Variants in ATF6 observed in about 807,000 individuals in gnomAD.
The protein encoded by ATF6 is cyclic AMP-dependent transcription factor ATF-6 alpha.
ATF6 carries 53 observed loss-of-function variants against 83.6 expected under a neutral mutation model. The ratio of observed to expected loss-of-function variants is 0.63; its 90% CI spans 0.51 to 0.80. The LOEUF (loss-of-function observed/expected upper bound fraction) is 0.80, where lower values mean the gene tolerates loss of function less well. Ranked by LOEUF, ATF6 falls within the 30% of genes least tolerant of loss-of-function variation. The probability of loss-of-function intolerance (pLI) is 0.00; values close to 1 mark genes in which losing one functional copy is unlikely to be tolerated. For missense variants in ATF6, 744 were observed against 797.9 expected (o/e 0.93, Z 0.81); for synonymous variants, 288 against 285.8 (o/e 1.01, Z -0.08).
At chr1:161,884,994 G>A (rs556657287) in intron 14 of ATF6, among the ~76,000 whole-genome samples, 1 of 152,168 alleles carries the variant, frequency 6.6e-6, no homozygotes, top group South Asian at 2.1e-4. Context: ...ATAAATGGAG[G>A]TGTCTATAGA....
In ATF6 at chr1:161,791,084, C is replaced by G. The variant is rs201954233; in HGVS notation, c.355-324C>G. 5.1e-3 allele frequency among the ~76,000 whole-genome samples: 347 copies of G among 67,668 alleles called. 3 individuals carry two copies. In the African/African-American group the frequency reaches 0.063, roughly 12 times the overall value. 44.4% of individuals were successfully genotyped at this position (67,668 alleles called of 152,430 possible). A position where few individuals can be genotyped will look rare whatever the true frequency, so the allele number is the denominator to read the frequency against. ...TATATGTGTGTGTGTGTGTGTGTGT[C>G]TCTGTGTGTGTGTGTGTGTCTCTGT... On this transcript the variant is annotated intron_variant, in intron 4 of 15. Transcript: ENST00000367942.
chr1:161,888,249 A>C (rs933138655), intron 14 of ATF6, among the ~76,000 whole-genome samples: 3 of 152,198 alleles, frequency 2.0e-5, no homozygotes, highest in Admixed American at 6.5e-5. Context: ...GAGCAACTAG[A>C]AGTATTTACT....
intron 13 of ATF6, among the ~76,000 whole-genome samples, chr1:161,862,851 A>C (rs1199167041): frequency 6.6e-6 from 1 of 152,138 alleles, no homozygotes; most frequent in Non-Finnish European, 1.5e-5. Flanking sequence ...CCTCAGATTT[A>C]ATTTGTATTA....
chr1:161,915,049 C>A (rs1198651573), intron 15 of ATF6, among the ~76,000 whole-genome samples: 1 of 152,148 alleles, frequency 6.6e-6, no homozygotes. Context: ...GAATTTCTCA[C>A]CTTCTCTTGT....
chr1:161,871,875 A>G (rs1409498621), intron 14 of ATF6, among the ~76,000 whole-genome samples: 1 of 151,444 alleles, frequency 6.6e-6, no homozygotes, highest in East Asian at 1.9e-4. Flanking sequence ...CTTTCCTCTT[A>G]GAAAGCTGTA....
At position 161,781,315 on chromosome 1, in the gene ATF6, G is replaced by GT. The variant is rs1213661699; in HGVS notation, c.160-589dup. Among the ~76,000 whole-genome samples, 16 of 151,608 alleles carry GT rather than the reference G, an allele frequency of 1.1e-4. No individual in the cohort carries two copies. The South Asian group carries it at 2.5e-3, about 24-fold the overall frequency. ...TTATTTTATAGGATTAAAAAGTGGT[G>GT]TTTTTTTTGATTCATAAAAGTTTTA... On this transcript the variant is annotated intron_variant, in intron 2 of 15. Transcript: ENST00000367942.
At chr1:161,791,684 T>A in intron 5 of ATF6, 147 bp downstream of exon 5, 1 of 859,868 alleles carries the variant, frequency 1.2e-6, no homozygotes, top group Non-Finnish European at 1.7e-6. Context: ...TTGTTGTGAG[T>A]GATTACCGTG....
chr1:161,836,494 C>T (rs7513303), intron 9 of ATF6, among the ~76,000 whole-genome samples: 21,569 of 152,200 alleles, frequency 0.14, 2,092 homozygotes, highest in East Asian at 0.31. Flanking sequence ...CCAGGTGTTA[C>T]TGAATCTGGA....
At chr1:161,828,382 G>A (rs554803957) in intron 9 of ATF6, among the ~76,000 whole-genome samples, 1 of 152,176 alleles carries the variant, frequency 6.6e-6, no homozygotes, top group African/African-American at 2.4e-5. Context: ...TAAAAGATAA[G>A]ATGAGTCTAT....
intron 3 of ATF6, among the ~76,000 whole-genome samples, chr1:161,782,525 T>C (rs967744937): frequency 6.6e-6 from 1 of 152,036 alleles, no homozygotes; most frequent in African/African-American, 2.4e-5. Context: ...TGAAGAAAAA[T>C]CCCTTCTCCT....
intron 14 of ATF6, among the ~76,000 whole-genome samples, chr1:161,893,463 G>A (rs1433557710): frequency 3.9e-5 from 6 of 152,138 alleles, no homozygotes; most frequent in African/African-American, 1.4e-4. Flanking sequence ...ACTGCGCCCC[G>A]CCACGGAAAC....
intron 9 of ATF6, among the ~76,000 whole-genome samples, chr1:161,827,885 C>T (rs941140328): frequency 6.6e-6 from 1 of 151,786 alleles, no homozygotes. Flanking sequence ...CTGACCTTAT[C>T]GATATTTTGT....
chr1:161,874,448 G>A (rs1361295394), intron 14 of ATF6, among the ~76,000 whole-genome samples: 1 of 151,474 alleles, frequency 6.6e-6, no homozygotes, highest in African/African-American at 2.4e-5. Context: ...ATTATAATAT[G>A]CCCTAAAATA....
At chr1:161,920,988 C>G (rs1688203246) in intron 15 of ATF6, among the ~76,000 whole-genome samples, 1 of 151,988 alleles carries the variant, frequency 6.6e-6, no homozygotes, top group African/African-American at 2.4e-5. Flanking sequence ...CCCTCGGCCT[C>G]CCAAGGTGCT....
chr1:161,950,101 T>TCC (rs2101917762), intron 15 of ATF6, among the ~76,000 whole-genome samples: 1 of 152,338 alleles, frequency 6.6e-6, no homozygotes, highest in South Asian at 2.1e-4. Flanking sequence ...CCCTGAATAT[T>TCC]CGTGGTGTTG....
intron 15 of ATF6, among the ~76,000 whole-genome samples, chr1:161,953,223 T>A (rs926245260): frequency 6.6e-6 from 1 of 152,186 alleles, no homozygotes; most frequent in African/African-American, 2.4e-5. Context: ...AATTTAGTAA[T>A]AATCAAGTTT....
intron 7 of ATF6, among the ~76,000 whole-genome samples, chr1:161,807,623 A>C (rs746593092): frequency 2.0e-5 from 3 of 152,170 alleles, no homozygotes; most frequent in African/African-American, 4.8e-5. Context: ...AAATAAAAGA[A>C]AATATGCTTT....
chr1:161,782,883 T>C (rs1439277942), intron 3 of ATF6, among the ~76,000 whole-genome samples: 2 of 152,216 alleles, frequency 1.3e-5, no homozygotes, highest in Non-Finnish European at 2.9e-5. Flanking sequence ...GACTGGGTGC[T>C]TACGAATTTT....
At chr1:161,916,432 G>A (rs1294234218) in intron 15 of ATF6, among the ~76,000 whole-genome samples, 1 of 152,058 alleles carries the variant, frequency 6.6e-6, no homozygotes, top group Non-Finnish European at 1.5e-5. Context: ...AGAGTGAATT[G>A]CAGATAACAT....
Sources: allele counts gnomAD v4.1 joint callset (sites outside exome capture counted in the v4.1 genomes callset), GRCh38; gene constraint gnomAD v4.1.1; transcripts MANE v1.5; gene names NCBI Gene and HGNC (gene_info 2026-07-23, HGNC 2026-07-21).